STAU2: variants seen among roughly 807,000 people sequenced by gnomAD.
STAU2 encodes double-stranded RNA-binding protein Staufen homolog 2.
A neutral mutation model predicts 65.9 loss-of-function variants in STAU2; 20 were observed. The observed-to-expected ratio is 0.30, with a 90% confidence interval of 0.21 to 0.44. The LOEUF (loss-of-function observed/expected upper bound fraction) is 0.44, where lower values mean the gene tolerates loss of function less well. STAU2 is among the 20% of genes least tolerant of loss of function. The pLI, the probability that STAU2 is intolerant of heterozygous loss-of-function variation, is 1.00. For synonymous variants in STAU2, 232 were observed against 233.9 expected (o/e 0.99, Z 0.07); for missense variants, 558 against 683.9 (o/e 0.82, Z 2.05).
intron 12 of STAU2, among the ~76,000 whole-genome samples, chr8:73,572,393 A>AT (rs1365837983): frequency 1.3e-5 from 2 of 152,194 alleles, no homozygotes; most frequent in African/African-American, 4.8e-5. Context: ...TCCCTAACTC[A>AT]TTTTTTGAGG....
intron 6 of STAU2, chr8:73,672,037 A>T (rs1817719600): frequency 6.6e-6 from 1 of 152,186 alleles, no homozygotes; most frequent in African/African-American, 2.4e-5. Flanking sequence ...AAAAAAAGAA[A>T]GAAAAGAAAA....
At chr8:73,552,953 A>T (rs1807444472) in intron 12 of STAU2, among the ~76,000 whole-genome samples, 1 of 152,190 alleles carries the variant, frequency 6.6e-6, no homozygotes, top group Non-Finnish European at 1.5e-5. Flanking sequence ...CCTGGCAACC[A>T]TCTCTGATTT....
chr8:73,561,380 T>G (rs1000769488), intron 12 of STAU2: 29 of 324,758 alleles, frequency 8.9e-5, no homozygotes, highest in African/African-American at 6.3e-4. Flanking sequence ...TAAGACAAAA[T>G]AGTTGCTGTG....
chr8:73,488,340 T>C (rs1821015327), intron 13 of STAU2, among the ~76,000 whole-genome samples: 2 of 152,088 alleles, frequency 1.3e-5, no homozygotes, highest in South Asian at 2.1e-4. Flanking sequence ...TCAAGTTTTC[T>C]ATTTAGAAGA....
At chr8:73,547,424 G>A (rs1371245203) in intron 13 of STAU2, among the ~76,000 whole-genome samples, 1 of 152,008 alleles carries the variant, frequency 6.6e-6, no homozygotes, top group African/African-American at 2.4e-5. Flanking sequence ...GGAAGTACAG[G>A]TGTGTGTTAT....
intron 13 of STAU2, among the ~76,000 whole-genome samples, chr8:73,483,950 G>T (rs1054724423): frequency 2.0e-5 from 3 of 152,094 alleles, no homozygotes; most frequent in Non-Finnish European, 4.4e-5. Context: ...TAAATGCTAA[G>T]GATTTTGTTT....
intron 3 of STAU2, among the ~76,000 whole-genome samples, chr8:73,711,960 A>G (rs1227396957): frequency 2.0e-5 from 3 of 152,200 alleles, no homozygotes; most frequent in Non-Finnish European, 4.4e-5. Flanking sequence ...ATTTAATGAG[A>G]AATCTTAATA....
intron 13 of STAU2, among the ~76,000 whole-genome samples, chr8:73,518,338 G>A (rs1166006543): frequency 6.6e-6 from 1 of 152,196 alleles, no homozygotes; most frequent in East Asian, 1.9e-4. Context: ...AAATTCAGAA[G>A]GTGAATTTTT....
At chr8:73,486,663 T>A (rs200135969) in intron 13 of STAU2, among the ~76,000 whole-genome samples, 9,000 of 133,406 alleles carry the variant, frequency 0.067, 704 homozygotes, top group East Asian at 0.42. Context: ...ATATATTTTT[T>A]TTTTTTTTGA....
At chr8:73,472,090 C>G (rs1477668451) in intron 13 of STAU2, among the ~76,000 whole-genome samples, 1 of 152,100 alleles carries the variant, frequency 6.6e-6, no homozygotes, top group East Asian at 1.9e-4. Context: ...CGCCTTTCAT[C>G]AGTGTGTGGT....
chr8:73,713,179 TAAC>T (rs1821015698), intron 3 of STAU2, among the ~76,000 whole-genome samples: 1 of 152,232 alleles, frequency 6.6e-6, no homozygotes, highest in Admixed American at 6.5e-5. Flanking sequence ...ATATTTATAA[TAAC>T]AGTATTTGCA....
intron 13 of STAU2, among the ~76,000 whole-genome samples, chr8:73,474,710 T>C (rs780320882): frequency 2.6e-5 from 4 of 152,216 alleles, no homozygotes; most frequent in African/African-American, 2.4e-5. Context: ...CTGATATTTA[T>C]ACAGCTTATT....
intron 3 of STAU2, among the ~76,000 whole-genome samples, chr8:73,730,466 C>A (rs1241394957): frequency 6.6e-6 from 1 of 152,104 alleles, no homozygotes; most frequent in Non-Finnish European, 1.5e-5. Context: ...GTGGCTCACG[C>A]CTATAATCCC....
Position 73,623,659 on chromosome 8 carries a change from T to A in STAU2, c.411-6208A>T, listed in dbSNP as rs1317389000. On this transcript the variant is annotated intron_variant, in intron 6 of 14. Transcript: ENST00000524300. ...GGACCCTAAAGGCCAAAACTAAGAA[T>A]TCAAATGACATGTCGATTATTTTGA... is the stretch of plus-strand genomic sequence containing the variant. Among the ~76,000 whole-genome samples the A allele has an allele frequency of 3.9e-5, 6 of 152,320 alleles. No homozygotes were observed. In the East Asian group the frequency reaches 1.2e-3, roughly 29 times the overall value.
intron 13 of STAU2, among the ~76,000 whole-genome samples, chr8:73,429,018 G>A (rs185988205): frequency 1.8e-4 from 28 of 152,266 alleles, no homozygotes; most frequent in East Asian, 5.8e-4. Context: ...GAATTCTTGC[G>A]TGGCTGCTCT....
intron 6 of STAU2, among the ~76,000 whole-genome samples, chr8:73,664,854 T>C (rs1311484641): frequency 6.6e-6 from 1 of 151,920 alleles, no homozygotes; most frequent in Non-Finnish European, 1.5e-5. Flanking sequence ...TAGCCAGGTG[T>C]GGTGGCATGC....
chr8:73,610,124 C>CA (rs1193025411), intron 9 of STAU2, among the ~76,000 whole-genome samples: 1 of 151,750 alleles, frequency 6.6e-6, no homozygotes, highest in Non-Finnish European at 1.5e-5. Context: ...ACAAAAAATA[C>CA]AAAAAATTAG....
intron 13 of STAU2, among the ~76,000 whole-genome samples, chr8:73,445,237 A>G (rs200944844): frequency 2.6e-5 from 4 of 152,320 alleles, no homozygotes; most frequent in African/African-American, 9.6e-5. Context: ...TTCAGGGACC[A>G]GAGAGGAAGG....
intron 2 of STAU2, among the ~76,000 whole-genome samples, chr8:73,738,618 C>A (rs1282630083): frequency 1.3e-5 from 2 of 152,166 alleles, no homozygotes; most frequent in African/African-American, 4.8e-5. Flanking sequence ...TGAATAACTA[C>A]GTCACTAGTA....
Sources: allele counts gnomAD v4.1 joint callset (sites outside exome capture counted in the v4.1 genomes callset), GRCh38; gene constraint gnomAD v4.1.1; transcripts MANE v1.5; gene names NCBI Gene and HGNC (gene_info 2026-07-23, HGNC 2026-07-21).